TNFRSF19: variants seen among roughly 807,000 people sequenced by gnomAD.
TNFRSF19 encodes the protein TNF receptor superfamily member 19, also known as tumor necrosis factor receptor superfamily member 19.
In TNFRSF19, 27 loss-of-function variants were observed where a neutral mutation model predicts 46.4. That is an observed-to-expected ratio of 0.58 (90% CI 0.43 to 0.80). The LOEUF is 0.80. TNFRSF19 is among the 30% of genes least tolerant of loss of function. The pLI is 0.00. For synonymous variants in TNFRSF19, 204 were observed against 205.0 expected, an observed-to-expected ratio of 1.00 and a Z score of 0.04; for missense variants, 511 against 530.8, an observed-to-expected ratio of 0.96 and a Z score of 0.37.
At chr13:23,587,614 G>C (rs1049365625) in intron 1 of TNFRSF19, among the ~76,000 whole-genome samples, 1 of 152,212 alleles carries the variant, frequency 6.6e-6, no homozygotes, top group African/African-American at 2.4e-5. Context: ...CTGAATGGCA[G>C]GAGTCACTGG....
intron 8 of TNFRSF19, 49 bp downstream of exon 8, chr13:23,668,131 T>C: frequency 6.9e-7 from 1 of 1,439,570 alleles, no homozygotes; most frequent in Non-Finnish European, 9.5e-7. Flanking sequence ...TGTGCAAATA[T>C]GCATTCTACT....
At position 23,616,750 on chromosome 13, in the gene TNFRSF19, T is replaced by C. The variant is rs553179155; in HGVS notation, c.359+705T>C. Among the ~76,000 whole-genome samples the C allele has an allele frequency of 4.2e-4, 64 of 152,138 alleles. No homozygotes were observed. The South Asian group carries it at 7.1e-3, about 17-fold the overall frequency. On this transcript the variant is annotated intron_variant, in intron 4 of 9. Transcript: ENST00000248484. ...GGCATGCGCCACCACGCCCGGCTAATTTTTTGTATTTTTAGTAGAGATGGT... is the reference window on the plus strand; with the variant it reads ...GGCATGCGCCACCACGCCCGGCTAACTTTTTGTATTTTTAGTAGAGATGGT...
At chr13:23,599,032 C>T (rs530715954) in intron 3 of TNFRSF19, among the ~76,000 whole-genome samples, 5 of 152,298 alleles carry the variant, frequency 3.3e-5, no homozygotes, top group South Asian at 2.1e-4. Context: ...TGATAGATAG[C>T]GTTTCTCTCT....
intron 2 of TNFRSF19, among the ~76,000 whole-genome samples, chr13:23,591,706 T>TA (rs34205383): frequency 0.26 from 37,345 of 145,640 alleles, 5,324 homozygotes; most frequent in African/African-American, 0.38. Context: ...TTTATAGCCT[T>TA]AAAAATTTTC....
chr13:23,635,065 A>G (rs996136808), intron 5 of TNFRSF19, among the ~76,000 whole-genome samples: 1 of 152,104 alleles, frequency 6.6e-6, no homozygotes, highest in African/African-American at 2.4e-5. Context: ...TAAAGCCCTC[A>G]TTCCACAGGA....
intron 5 of TNFRSF19, among the ~76,000 whole-genome samples, chr13:23,658,369 G>A (rs1249978122): frequency 6.6e-6 from 1 of 152,070 alleles, no homozygotes; most frequent in East Asian, 1.9e-4. Context: ...CAGGCCATGG[G>A]GTTCAGAATC....
At chr13:23,609,341 G>A (rs898421432) in intron 3 of TNFRSF19, among the ~76,000 whole-genome samples, 1 of 152,108 alleles carries the variant, frequency 6.6e-6, no homozygotes, top group Admixed American at 6.5e-5. Context: ...ATATGGTGAG[G>A]GTTACTCGGC....
chr13:23,667,877 C>A, intron 7 of TNFRSF19, 103 bp from the exon 8 acceptor site: 3 of 990,102 alleles, frequency 3.0e-6, no homozygotes, highest in South Asian at 1.9e-5. Context: ...AAAAGTCACC[C>A]AAAGGGAAAC....
At chr13:23,671,958 A>C (rs1951768205) in intron 9 of TNFRSF19, among the ~76,000 whole-genome samples, 1 of 152,246 alleles carries the variant, frequency 6.6e-6, no homozygotes, top group Non-Finnish European at 1.5e-5. Flanking sequence ...GTTTGTGTTC[A>C]ATTAGCTTGG....
chr13:23,611,126 G>GCACACA lies in TNFRSF19; in HGVS notation c.181-4721_181-4716dup, dbSNP rs34837771. 3.1e-3 allele frequency among the ~76,000 whole-genome samples: 460 copies of GCACACA among 147,760 alleles called. 4 individuals are homozygous for GCACACA. The highest frequency in any genetic ancestry group is 5.8e-3 in the African/African-American group (232 of 40,200). ...CCTCACCAGACACACACACACATGT[G>GCACACA]CACACACACACACACACACACACAC... On this transcript the variant is annotated intron_variant, in intron 3 of 9. Coordinates refer to ENST00000248484, the MANE Select transcript of TNFRSF19 (RefSeq NM_148957.4).
intron 1 of TNFRSF19, among the ~76,000 whole-genome samples, chr13:23,576,528 A>G (rs1394717196): frequency 2.0e-5 from 3 of 152,188 alleles, no homozygotes; most frequent in Admixed American, 2.0e-4. Context: ...AAATGAGGGA[A>G]AGTGGGAACT....
chr13:23,635,170 G>C (rs1364529015), intron 5 of TNFRSF19, among the ~76,000 whole-genome samples: 1 of 151,948 alleles, frequency 6.6e-6, no homozygotes, highest in Admixed American at 6.5e-5. Flanking sequence ...TGAACTCCGA[G>C]GGACAGGATT....
chr13:23,582,332 C>T (rs1333856787), intron 1 of TNFRSF19, among the ~76,000 whole-genome samples: 3 of 151,402 alleles, frequency 2.0e-5, no homozygotes, highest in Admixed American at 6.6e-5. Context: ...ACCCGGGAGG[C>T]GGAGCTTGCA....
chr13:23,607,880 T>C (rs193146145), intron 3 of TNFRSF19, among the ~76,000 whole-genome samples: 10 of 152,352 alleles, frequency 6.6e-5, no homozygotes, highest in African/African-American at 2.2e-4. Context: ...GTTAAGCAGG[T>C]ATAGTTAAAC....
chr13:23,612,318 C>A (rs1034333326), intron 3 of TNFRSF19, among the ~76,000 whole-genome samples: 1 of 152,076 alleles, frequency 6.6e-6, no homozygotes, highest in Non-Finnish European at 1.5e-5. Context: ...AACCACCCAG[C>A]TTTACTGAAT....
intron 3 of TNFRSF19, among the ~76,000 whole-genome samples, chr13:23,608,149 A>G (rs1265064782): frequency 1.3e-5 from 2 of 152,206 alleles, no homozygotes; most frequent in East Asian, 3.8e-4. Flanking sequence ...AAGTCTGCAC[A>G]GCAGCTCCAG....
chr13:23,587,478 A>C (rs1406066324), intron 1 of TNFRSF19, among the ~76,000 whole-genome samples: 1 of 152,234 alleles, frequency 6.6e-6, no homozygotes, highest in Non-Finnish European at 1.5e-5. Context: ...CTTCTAGCCT[A>C]GTCCTGCCTC....
intron 5 of TNFRSF19, among the ~76,000 whole-genome samples, chr13:23,628,555 T>G (rs745672248): frequency 1.6e-4 from 25 of 152,270 alleles, no homozygotes; most frequent in Non-Finnish European, 1.6e-4. Flanking sequence ...CTTAGGGGTT[T>G]TTTCCCATTA....
intron 7 of TNFRSF19, among the ~76,000 whole-genome samples, chr13:23,663,875 TTG>T (rs1308687029): frequency 6.6e-6 from 1 of 152,168 alleles, no homozygotes; most frequent in Admixed American, 6.6e-5. Flanking sequence ...TAGTTTTTAA[TTG>T]TGTTTATTTG....
Sources: allele counts gnomAD v4.1 joint callset (sites outside exome capture counted in the v4.1 genomes callset), GRCh38; gene constraint gnomAD v4.1.1; transcripts MANE v1.5; gene names NCBI Gene and HGNC (gene_info 2026-07-23, HGNC 2026-07-21).